The following ADCY5 variants were observed in gnomAD, a reference collection of about 807,000 sequenced individuals.
The protein encoded by ADCY5 is adenylate cyclase type 5.
Under a neutral mutation model 119.7 loss-of-function variants are expected in ADCY5, and 30 were observed. The ratio of observed to expected loss-of-function variants is 0.25; its 90% CI spans 0.19 to 0.34. The LOEUF is 0.34. Ranked by LOEUF, ADCY5 falls within the 10% of genes least tolerant of loss-of-function variation. The pLI is 1.00. For synonymous variants in ADCY5, 753 were observed against 762.2 expected, an observed-to-expected ratio of 0.99 and a Z score of 0.20; for missense variants, 1,324 against 1,775.2, an observed-to-expected ratio of 0.75 and a Z score of 4.57.
In ADCY5 at chr3:123,289,766, G is replaced by A; in HGVS notation, c.3516C>T (p.Asn1172=). The A allele has an allele frequency of 6.2e-7, 1 of 1,613,940 alleles. No individual in the cohort carries two copies. ...CCCACTCACCGATCTTCATCTGGAA[G>A]TTGTTGAAGGAGTGCTCATTGATGT... is the stretch of plus-strand genomic sequence containing the variant. ...MKYINEHSFN[N]FQMKIGLNIG... is the part of the protein sequence containing the mutation. Residue 1172 remains asparagine (N), a synonymous_variant, in exon 19 of 21, where the codon AAC becomes AAT. Transcript: ENST00000462833.
At chr3:123,345,749 G>GACAC (rs1470264929) in intron 3 of ADCY5, among the ~76,000 whole-genome samples, 1 of 36,806 alleles carries the variant, frequency 2.7e-5, no homozygotes, top group African/African-American at 8.5e-5. Flanking sequence ...CAGACAGACA[G>GACAC]ACAGACAGAC....
intron 2 of ADCY5, among the ~76,000 whole-genome samples, chr3:123,351,616 C>T (rs925126739): frequency 6.6e-6 from 1 of 152,142 alleles, no homozygotes; most frequent in Non-Finnish European, 1.5e-5. Context: ...CACTCTCTCC[C>T]CTAGGCCACA....
At chr3:123,310,762 C>T (rs1422763172) in intron 12 of ADCY5, among the ~76,000 whole-genome samples, 1 of 152,154 alleles carries the variant, frequency 6.6e-6, no homozygotes, top group Non-Finnish European at 1.5e-5. Context: ...ATCTGAGGGG[C>T]AGTGGGGGCT....
chr3:123,375,205 C>T (rs973350516), intron 1 of ADCY5, among the ~76,000 whole-genome samples: 9 of 152,302 alleles, frequency 5.9e-5, no homozygotes, highest in African/African-American at 7.2e-5. Flanking sequence ...AGAAGTTCGA[C>T]GTGGAGGACT....
intron 1 of ADCY5, among the ~76,000 whole-genome samples, chr3:123,356,670 A>C (rs1943050855): frequency 1.3e-5 from 2 of 152,224 alleles, no homozygotes; most frequent in African/African-American, 4.8e-5. Flanking sequence ...TAGATTAAAA[A>C]TGGAAAGAAA....
chr3:123,337,184 C>T (rs566097759), intron 3 of ADCY5, among the ~76,000 whole-genome samples: 31 of 152,252 alleles, frequency 2.0e-4, no homozygotes, highest in African/African-American at 7.0e-4. Context: ...TATTATGCTC[C>T]GGTCTGTCTC....
chr3:123,442,888 G>A (rs1286729605), intron 1 of ADCY5, among the ~76,000 whole-genome samples: 1 of 152,196 alleles, frequency 6.6e-6, no homozygotes, highest in African/African-American at 2.4e-5. Flanking sequence ...TGAGGCAAGA[G>A]AAGCAGACCC....
intron 19 of ADCY5, 198 bp from the exon 20 acceptor site, chr3:123,287,007 G>T: frequency 1.5e-6 from 1 of 662,148 alleles, no homozygotes; most frequent in Non-Finnish European, 2.4e-6. Flanking sequence ...GACACAAGGA[G>T]CCTGCACCTG....
chr3:123,352,725 T>A lies in ADCY5; in HGVS notation c.1135-144A>T. ...GGGCACCCCACACGCGGCCAACCAC[T>A]GTGAGCAGCCGAGCATAATCGATCG... On this transcript the variant is annotated intron_variant, in intron 1 of 20. Coordinates refer to ENST00000462833, the MANE Select transcript of ADCY5 (RefSeq NM_183357.3). The surrounding 1 kb of genome is among the most constrained non-coding windows in gnomAD (Gnocchi z 4.8). 1.0e-6 allele frequency: 1 copy of A among 954,208 alleles called. No individual in the cohort carries two copies. Among genetic ancestry groups the A allele is most frequent in the Non-Finnish European group, 1.5e-6 (1 of 662,642 alleles). 59.1% of individuals were successfully genotyped at this position (954,208 alleles called of 1,614,324 possible). A position where few individuals can be genotyped will look rare whatever the true frequency, so the allele number is the denominator to read the frequency against.
intron 1 of ADCY5, among the ~76,000 whole-genome samples, chr3:123,394,012 G>A (rs1002540721): frequency 6.6e-6 from 1 of 152,026 alleles, no homozygotes; most frequent in Admixed American, 6.6e-5. Flanking sequence ...GTGGTGATGG[G>A]CACCTGTAAT....
At chr3:123,430,503 C>T (rs889447511) in intron 1 of ADCY5, among the ~76,000 whole-genome samples, 10 of 152,130 alleles carry the variant, frequency 6.6e-5, no homozygotes, top group Admixed American at 1.3e-4. Context: ...GCCCCACAGG[C>T]GTCAGGTGGG....
chr3:123,357,574 C>T (rs1392490967), intron 1 of ADCY5, among the ~76,000 whole-genome samples: 1 of 152,180 alleles, frequency 6.6e-6, no homozygotes, highest in Non-Finnish European at 1.5e-5. Context: ...GTTCATCTCT[C>T]TTTCACTAAA....
intron 17 of ADCY5, among the ~76,000 whole-genome samples, chr3:123,294,685 T>G (rs78301094): frequency 4.6e-5 from 7 of 152,160 alleles, no homozygotes; most frequent in African/African-American, 9.7e-5. Flanking sequence ...ACAGAGGACC[T>G]GTGCACAGGA....
intron 4 of ADCY5, 103 bp from the exon 5 acceptor site, chr3:123,331,119 G>A: frequency 1.5e-6 from 2 of 1,325,342 alleles, no homozygotes; most frequent in African/African-American, 1.5e-5. Context: ...GGAATAACTT[G>A]CCTTTTAGGG....
At chr3:123,284,792 G>C in intron 20 of ADCY5, 56 bp from the exon 21 acceptor site, 3 of 1,609,976 alleles carry the variant, frequency 1.9e-6, no homozygotes, top group Non-Finnish European at 2.5e-6. Context: ...GCCATGAACT[G>C]CTGTGGGGTA....
rs370865121 is a variant in ADCY5, at chr3:123,374,484, G to A, written c.1135-21903C>T. 9.8e-5 allele frequency among the ~76,000 whole-genome samples: 15 copies of A among 152,310 alleles called. No homozygotes were observed. In the East Asian group the frequency reaches 2.1e-3, roughly 22 times the overall value. The stretch of plus-strand genomic sequence containing the variant: ...CATCTAATCCTCGGGACAACACTAT[G>A]GGCTGGGTGTAATTAGAATTCTCAT... On this transcript the variant is annotated intron_variant, in intron 1 of 20. Transcript: ENST00000462833.
At chr3:123,369,654 C>T (rs571411283) in intron 1 of ADCY5, among the ~76,000 whole-genome samples, 3 of 152,332 alleles carry the variant, frequency 2.0e-5, no homozygotes, top group East Asian at 3.9e-4. Context: ...AATGTGCAAA[C>T]GAGTCTCTTG....
intron 1 of ADCY5, chr3:123,419,281 C>T (rs1433358528): frequency 1.2e-6 from 1 of 860,126 alleles, no homozygotes; most frequent in Non-Finnish European, 1.4e-6. Flanking sequence ...GAAGTGCCGT[C>T]CGCCCACCCA....
At chr3:123,424,786 G>A (rs976662276) in intron 1 of ADCY5, among the ~76,000 whole-genome samples, 2 of 152,196 alleles carry the variant, frequency 1.3e-5, no homozygotes, top group East Asian at 1.9e-4. Context: ...ACGCACGCGC[G>A]CATGTCAGCA....
Sources: allele counts gnomAD v4.1 joint callset (sites outside exome capture counted in the v4.1 genomes callset), GRCh38; gene constraint gnomAD v4.1.1; non-coding constraint Gnocchi (gnomAD v3.1); transcripts MANE v1.5; gene names NCBI Gene and HGNC (gene_info 2026-07-23, HGNC 2026-07-21).